ZFHX3: variants seen among roughly 807,000 people sequenced by gnomAD.
ZFHX3 encodes the protein zinc finger homeobox protein 3.
Under a neutral mutation model 279.1 loss-of-function variants are expected in ZFHX3, and 42 were observed. The observed-to-expected ratio is 0.15, with a 90% CI of 0.12 to 0.19. The LOEUF (loss-of-function observed/expected upper bound fraction) is 0.19, where lower values mean the gene tolerates loss of function less well. Among genes scored for constraint, ZFHX3 ranks in the 10% least tolerant of loss-of-function variants. The pLI is 1.00. For missense variants in ZFHX3, 4,981 were observed against 4,754.0 expected, an observed-to-expected ratio of 1.05 and a Z score of -1.40; for synonymous variants, 2,293 against 1,957.8, an observed-to-expected ratio of 1.17 and a Z score of -4.52.
Position 72,981,823 on chromosome 16 carries a change from C to G in ZFHX3, c.-49-21629G>C, listed in dbSNP as rs145767775. 1.4e-3 allele frequency among the ~76,000 whole-genome samples: 207 copies of G among 152,026 alleles called. 1 individual carries two copies. The highest frequency in any genetic ancestry group is 4.9e-3 in the African/African-American group (204 of 41,444). On this transcript the variant is annotated intron_variant, in intron 1 of 9. Coordinates refer to ENST00000268489, the MANE Select transcript of ZFHX3 (RefSeq NM_006885.4). ...CACAGTCACACCCAGCACCAGCCTT[C>G]CAAAGGGCACATAACAATGCTTCTT...
intron 1 of ZFHX3, among the ~76,000 whole-genome samples, chr16:73,780,025 C>T (rs180777320): frequency 2.0e-5 from 3 of 149,288 alleles, no homozygotes; most frequent in Non-Finnish European, 4.4e-5. Flanking sequence ...CTCTCTTCAC[C>T]TAGCGCAGAC....
At chr16:73,316,645 C>G (rs2015456171) in intron 4 of ZFHX3, among the ~76,000 whole-genome samples, 1 of 152,128 alleles carries the variant, frequency 6.6e-6, no homozygotes, top group Non-Finnish European at 1.5e-5. Flanking sequence ...TGGGAATCCC[C>G]CACTCCACTA....
At chr16:73,741,820 T>C (rs1252983833) in intron 1 of ZFHX3, among the ~76,000 whole-genome samples, 1 of 152,122 alleles carries the variant, frequency 6.6e-6, no homozygotes, top group Non-Finnish European at 1.5e-5. Flanking sequence ...ACATAAGGGG[T>C]ATAAAATGGA....
chr16:73,598,307 T>A (rs56227504), intron 2 of ZFHX3, among the ~76,000 whole-genome samples: 21,962 of 152,226 alleles, frequency 0.14, 1,971 homozygotes, highest in East Asian at 0.19. Flanking sequence ...CTGGTTTAGC[T>A]AGGTCAAGCC....
chr16:73,073,782 A>G (rs1965852078), intron 8 of ZFHX3, among the ~76,000 whole-genome samples: 1 of 152,224 alleles, frequency 6.6e-6, no homozygotes, highest in Non-Finnish European at 1.5e-5. Flanking sequence ...TACAGGCATG[A>G]GCCACCAAGC....
At chr16:73,379,137 A>C (rs1054531413) in intron 3 of ZFHX3, among the ~76,000 whole-genome samples, 3 of 152,158 alleles carry the variant, frequency 2.0e-5, no homozygotes, top group East Asian at 3.8e-4. Context: ...CATAATCCCA[A>C]ATATTTTTTA....
At chr16:72,904,343 G>A (rs1430358319) in intron 3 of ZFHX3, among the ~76,000 whole-genome samples, 2 of 151,108 alleles carry the variant, frequency 1.3e-5, no homozygotes, top group Non-Finnish European at 2.9e-5. Context: ...ACTCCAGCCT[G>A]GCAACAGAGT....
intron 1 of ZFHX3, among the ~76,000 whole-genome samples, chr16:73,880,074 A>G (rs149780537): frequency 2.6e-5 from 4 of 152,316 alleles, no homozygotes; most frequent in African/African-American, 7.2e-5. Flanking sequence ...AACAATCTCC[A>G]TTCTACACGT....
intron 1 of ZFHX3, among the ~76,000 whole-genome samples, chr16:73,012,776 C>A (rs1234093183): frequency 6.6e-6 from 1 of 152,132 alleles, no homozygotes; most frequent in Non-Finnish European, 1.5e-5. Flanking sequence ...GTTCCAAAAT[C>A]GTGCTGTTAA....
At chr16:73,660,736 C>G (rs888102079) in intron 2 of ZFHX3, among the ~76,000 whole-genome samples, 1 of 152,020 alleles carries the variant, frequency 6.6e-6, no homozygotes, top group African/African-American at 2.4e-5. Flanking sequence ...TCATCAAAAA[C>G]AAAATGTGAC....
intron 2 of ZFHX3, among the ~76,000 whole-genome samples, chr16:73,475,428 T>C (rs1202604510): frequency 6.6e-6 from 1 of 152,176 alleles, no homozygotes; most frequent in Non-Finnish European, 1.5e-5. Flanking sequence ...CTGTTTAGCA[T>C]GTATTTTATT....
chr16:73,385,030 G>C (rs1309785650), intron 3 of ZFHX3, among the ~76,000 whole-genome samples: 1 of 152,122 alleles, frequency 6.6e-6, no homozygotes, highest in Admixed American at 6.5e-5. Context: ...AGACAACATA[G>C]AATCTGAGCT....
intron 8 of ZFHX3, among the ~76,000 whole-genome samples, chr16:73,069,339 G>T (rs1379729183): frequency 6.6e-6 from 1 of 152,142 alleles, no homozygotes; most frequent in African/African-American, 2.4e-5. Context: ...ATGTTAAGCG[G>T]GTGGCAGGGG....
chr16:73,860,408 A>C (rs1961851343), intron 1 of ZFHX3, among the ~76,000 whole-genome samples: 1 of 141,464 alleles, frequency 7.1e-6, no homozygotes, highest in African/African-American at 2.6e-5. Flanking sequence ...TTTTTTGGCA[A>C]TTTTTCTAGT....
chr16:73,143,415 T>C (rs1286026842), intron 6 of ZFHX3, among the ~76,000 whole-genome samples: 2 of 152,134 alleles, frequency 1.3e-5, no homozygotes, highest in African/African-American at 2.4e-5. Flanking sequence ...TGAAATTGCT[T>C]TTTTCTTCTT....
chr16:73,218,312 T>C (rs771982083), intron 5 of ZFHX3, among the ~76,000 whole-genome samples: 7 of 152,156 alleles, frequency 4.6e-5, no homozygotes, highest in Non-Finnish European at 1.0e-4. Flanking sequence ...TAAAATCTCA[T>C]AACAGAGATG....
At chr16:72,950,988 A>G in intron 2 of ZFHX3, 23 bp from the exon 3 acceptor site, 10 of 1,599,422 alleles carry the variant, frequency 6.3e-6, no homozygotes, top group Non-Finnish European at 7.7e-6. Flanking sequence ...AGAGAAGGAG[A>G]GAGTCAGACA....
At position 72,984,807 on chromosome 16, in the gene ZFHX3, C is replaced by A. The variant is rs142584018; in HGVS notation, c.-49-24613G>T. Among the ~76,000 whole-genome samples the A allele has an allele frequency of 6.4e-4, 98 of 152,106 alleles. 1 individual carries two copies. The South Asian group carries it at 7.3e-3, about 11-fold the overall frequency. ...TAAACCTCACTATCGTGTGCAAGCTCACCCCAGGCCTCAACAGAATTTATA... is the reference window on the plus strand; with the variant it reads ...TAAACCTCACTATCGTGTGCAAGCTAACCCCAGGCCTCAACAGAATTTATA... On this transcript the variant is annotated intron_variant, in intron 1 of 9. Transcript: ENST00000268489.
chr16:73,101,692 G>A (rs1966233255), intron 7 of ZFHX3, among the ~76,000 whole-genome samples: 1 of 151,954 alleles, frequency 6.6e-6, no homozygotes, highest in South Asian at 2.1e-4. Context: ...GTGAGCCACT[G>A]TGCCTGGCCA....
Sources: allele counts gnomAD v4.1 joint callset (sites outside exome capture counted in the v4.1 genomes callset), GRCh38; gene constraint gnomAD v4.1.1; transcripts MANE v1.5; gene names NCBI Gene and HGNC (gene_info 2026-07-23, HGNC 2026-07-21).